PTPRD: variants seen among roughly 807,000 people sequenced by gnomAD.
PTPRD encodes receptor-type tyrosine-protein phosphatase delta.
In PTPRD, 34 loss-of-function variants were observed where a neutral mutation model predicts 214.5. The ratio of observed to expected loss-of-function variants is 0.16; its 90% CI spans 0.12 to 0.21. The LOEUF (loss-of-function observed/expected upper bound fraction) is 0.21. PTPRD is among the 10% of genes least tolerant of loss of function. The pLI is 1.00. For synonymous variants in PTPRD, 1,128 were observed against 845.7 expected (o/e 1.33, Z -5.79); for missense variants, 2,545 against 2,398.7 (o/e 1.06, Z -1.27).
chr9:8,973,055 T>A (rs1451452454), intron 11 of PTPRD, among the ~76,000 whole-genome samples: 2 of 151,712 alleles, frequency 1.3e-5, no homozygotes, highest in African/African-American at 4.8e-5. Flanking sequence ...TATTGAGAAG[T>A]ATGTGCATTA....
intron 3 of PTPRD, among the ~76,000 whole-genome samples, chr9:10,114,530 C>T (rs1470988519): frequency 6.6e-6 from 1 of 151,968 alleles, no homozygotes; most frequent in Non-Finnish European, 1.5e-5. Flanking sequence ...GAATTTTATT[C>T]TCATAAACTT....
chr9:9,241,424 C>T (rs1324150724), intron 9 of PTPRD, among the ~76,000 whole-genome samples: 1 of 152,040 alleles, frequency 6.6e-6, no homozygotes, highest in African/African-American at 2.4e-5. Context: ...AGGGGAAACA[C>T]TTCTTAACTT....
chr9:9,321,635 T>C (rs1362727131), intron 9 of PTPRD, among the ~76,000 whole-genome samples: 6 of 152,046 alleles, frequency 3.9e-5, no homozygotes, highest in South Asian at 2.1e-4. Context: ...TCTAAGAAGT[T>C]ATAGTAATTA....
intron 11 of PTPRD, among the ~76,000 whole-genome samples, chr9:8,987,299 A>G (rs1256647509): frequency 1.3e-5 from 2 of 152,142 alleles, no homozygotes; most frequent in African/African-American, 4.8e-5. Flanking sequence ...TGGGTGGAGA[A>G]TGAACCTCAT....
At chr9:8,939,591 A>C (rs1271714579) in intron 11 of PTPRD, among the ~76,000 whole-genome samples, 1 of 151,768 alleles carries the variant, frequency 6.6e-6, no homozygotes, top group Non-Finnish European at 1.5e-5. Flanking sequence ...ACACACACAC[A>C]TCAGCTTATT....
chr9:10,501,000 G>A (rs1475920702), intron 2 of PTPRD, among the ~76,000 whole-genome samples: 1 of 151,962 alleles, frequency 6.6e-6, no homozygotes, highest in African/African-American at 2.4e-5. Context: ...GAAGAAATAT[G>A]GGAATACAGA....
Position 8,781,942 on chromosome 9 carries a change from T to C in PTPRD, c.-103-47996A>G, listed in dbSNP as rs368030123. ...ACATTCTAGTAAATCAATTTAAAAGTATGGTGTTAGCAGTGGACATCCTCA... is the reference window on the plus strand; with the variant it reads ...ACATTCTAGTAAATCAATTTAAAAGCATGGTGTTAGCAGTGGACATCCTCA... On this transcript the variant is annotated intron_variant, in intron 11 of 45. Transcript: ENST00000381196. Among the ~76,000 whole-genome samples the C allele has an allele frequency of 1.1e-3, 168 of 152,148 alleles. 2 individuals carry two copies. Among genetic ancestry groups the C allele is most frequent in the African/African-American group, 3.9e-3 (162 of 41,494 alleles).
At chr9:9,437,681 T>C (rs536170453) in intron 8 of PTPRD, among the ~76,000 whole-genome samples, 2 of 152,238 alleles carry the variant, frequency 1.3e-5, no homozygotes, top group East Asian at 1.9e-4. Context: ...AAACAGATTG[T>C]GGCATCTCTT....
intron 4 of PTPRD, among the ~76,000 whole-genome samples, chr9:9,984,995 T>TA (rs2095661250): frequency 6.6e-6 from 1 of 152,156 alleles, no homozygotes; most frequent in Admixed American, 6.5e-5. Flanking sequence ...GAGAGATGCT[T>TA]AAAGGAATTT....
At chr9:9,786,001 T>G (rs951111592) in intron 5 of PTPRD, among the ~76,000 whole-genome samples, 27 of 152,346 alleles carry the variant, frequency 1.8e-4, no homozygotes, top group African/African-American at 6.3e-4. Context: ...GTTATAATTA[T>G]TCACTATCCT....
At chr9:8,640,937 T>C (rs909855404) in intron 12 of PTPRD, among the ~76,000 whole-genome samples, 6 of 134,534 alleles carry the variant, frequency 4.5e-5, no homozygotes, top group African/African-American at 1.6e-4. Flanking sequence ...TGTCTGTCAA[T>C]GCTAGGCAGC....
chr9:10,192,686 C>G (rs1224728480), intron 3 of PTPRD, among the ~76,000 whole-genome samples: 1 of 152,106 alleles, frequency 6.6e-6, no homozygotes, highest in African/African-American at 2.4e-5. Flanking sequence ...CTTCCAAATC[C>G]TAACCTTGCT....
intron 9 of PTPRD, among the ~76,000 whole-genome samples, chr9:9,240,585 T>G (rs749389781): frequency 1.1e-4 from 17 of 152,106 alleles, no homozygotes; most frequent in Non-Finnish European, 2.4e-4. Context: ...TTAGGAGAAT[T>G]GCTTGATATT....
chr9:10,582,930 A>G (rs1005162777), intron 2 of PTPRD, among the ~76,000 whole-genome samples: 5 of 152,220 alleles, frequency 3.3e-5, no homozygotes, highest in Admixed American at 1.3e-4. Flanking sequence ...TAAAAGTGAA[A>G]TGACATAGGA....
intron 7 of PTPRD, among the ~76,000 whole-genome samples, chr9:9,687,452 T>C (rs1307829144): frequency 6.6e-6 from 1 of 151,782 alleles, no homozygotes; most frequent in Non-Finnish European, 1.5e-5. Flanking sequence ...TATGGGAAAC[T>C]GATTCCCAAA....
rs557847109 is a variant in PTPRD, at chr9:9,861,673, G to A, written c.-368+76834C>T. ...TACAGTATAATATTTTGTTTGTAGT[G>A]ATATGATTCATATCTTTGCAGAAAA... On this transcript the variant is annotated intron_variant, in intron 5 of 45. Coordinates refer to ENST00000381196, the MANE Select transcript of PTPRD (RefSeq NM_002839.4). Among the ~76,000 whole-genome samples the A allele has an allele frequency of 3.9e-5, 6 of 152,300 alleles. No individual in the cohort carries two copies. The South Asian group carries it at 1.2e-3, about 32-fold the overall frequency.
rs536146260 is a variant in PTPRD at position 10,478,717 on chromosome 9, C to T, written c.-600+133681G>A. Reference sequence around the variant, plus strand: ...AATACAATTACAGAGTTACTATATTCTGTAATATATATGTATATGTATATA... The same window carrying T: ...AATACAATTACAGAGTTACTATATTTTGTAATATATATGTATATGTATATA... On this transcript the variant is annotated intron_variant, in intron 2 of 45. Coordinates refer to ENST00000381196, the MANE Select transcript of PTPRD (RefSeq NM_002839.4). 5.3e-5 allele frequency among the ~76,000 whole-genome samples: 8 copies of T among 151,458 alleles called. No homozygotes were observed. In the South Asian group the frequency reaches 1.7e-3, roughly 31 times the overall value.
At chr9:10,062,027 C>T (rs918497703) in intron 3 of PTPRD, among the ~76,000 whole-genome samples, 1 of 142,086 alleles carries the variant, frequency 7.0e-6, no homozygotes, top group Admixed American at 6.8e-5. Context: ...ATTCGAGAAC[C>T]ATTGATTGAT....
At chr9:8,518,845 A>C (rs751557249) in intron 20 of PTPRD, among the ~76,000 whole-genome samples, 5 of 150,468 alleles carry the variant, frequency 3.3e-5, no homozygotes, top group Non-Finnish European at 5.9e-5. Flanking sequence ...GATTCTTAGA[A>C]TGTAACTGGA....
Sources: allele counts gnomAD v4.1 joint callset (sites outside exome capture counted in the v4.1 genomes callset), GRCh38; gene constraint gnomAD v4.1.1; transcripts MANE v1.5; gene names NCBI Gene and HGNC (gene_info 2026-07-23, HGNC 2026-07-21).